MPPED2: variants seen among roughly 807,000 people sequenced by gnomAD.
MPPED2 encodes metallophosphoesterase MPPED2.
A neutral mutation model predicts 33.0 loss-of-function variants in MPPED2; 5 were observed. That is an observed-to-expected ratio of 0.15 (90% CI 0.08 to 0.32). The LOEUF is 0.32. Among genes scored for constraint, MPPED2 ranks in the 10% least tolerant of loss-of-function variants. The probability of loss-of-function intolerance (pLI) is 1.00; values close to 1 mark genes in which losing one functional copy is unlikely to be tolerated. For missense variants in MPPED2, 275 were observed against 372.1 expected, an observed-to-expected ratio of 0.74 and a Z score of 2.15; for synonymous variants, 136 against 141.9, an observed-to-expected ratio of 0.96 and a Z score of 0.29.
At chr11:30,509,485 C>A (rs534720005) in intron 3 of MPPED2, among the ~76,000 whole-genome samples, 4 of 152,116 alleles carry the variant, frequency 2.6e-5, no homozygotes, top group African/African-American at 4.8e-5. Flanking sequence ...CATTGTATCC[C>A]TTCATCTGAA....
chr11:30,397,290 T>G (rs1275837222), intron 6 of MPPED2, among the ~76,000 whole-genome samples: 2 of 152,156 alleles, frequency 1.3e-5, no homozygotes. Context: ...CTAGTTTGTT[T>G]TTCACTTTGG....
chr11:30,510,587 G>A (rs919747833), intron 3 of MPPED2, among the ~76,000 whole-genome samples: 1 of 152,080 alleles, frequency 6.6e-6, no homozygotes, highest in Non-Finnish European at 1.5e-5. Flanking sequence ...ATTTCTACAT[G>A]TCTCTAACAT....
intron 4 of MPPED2, among the ~76,000 whole-genome samples, chr11:30,471,894 T>G (rs1038139018): frequency 6.6e-6 from 1 of 152,122 alleles, no homozygotes; most frequent in Admixed American, 6.5e-5. Flanking sequence ...GAAGGACAAC[T>G]AATCAATTTA....
chr11:30,586,462 T>A (rs1227782264), upstream of MPPED2, among the ~76,000 whole-genome samples: 1 of 151,694 alleles, frequency 6.6e-6, no homozygotes, highest in Non-Finnish European at 1.5e-5. The surrounding 1 kb of genome is among the most constrained non-coding windows in gnomAD (Gnocchi z 4.8). Context: ...TGCACGCCCC[T>A]CCCGCAGTCC....
intron 2 of MPPED2, among the ~76,000 whole-genome samples, chr11:30,570,806 T>C (rs1956655914): frequency 6.6e-6 from 1 of 152,228 alleles, no homozygotes; most frequent in African/African-American, 2.4e-5. Flanking sequence ...AACTTGGTCC[T>C]TGGCCCAAAT....
intron 2 of MPPED2, among the ~76,000 whole-genome samples, chr11:30,566,893 C>T (rs1286735188): frequency 6.6e-6 from 1 of 152,176 alleles, no homozygotes; most frequent in East Asian, 1.9e-4. Flanking sequence ...TAAGGGGACA[C>T]CTAATCCAGA....
intron 3 of MPPED2, among the ~76,000 whole-genome samples, chr11:30,513,553 T>G (rs1953348758): frequency 6.6e-6 from 1 of 152,202 alleles, no homozygotes; most frequent in African/African-American, 2.4e-5. Flanking sequence ...ACTATTCAAC[T>G]GTAGATGGAT....
chr11:30,512,976 TCTAGTTTGGGA>T (rs1953312154), intron 3 of MPPED2, among the ~76,000 whole-genome samples: 1 of 151,694 alleles, frequency 6.6e-6, no homozygotes, highest in Non-Finnish European at 1.5e-5. Flanking sequence ...TCTACTGTGC[TCTAGTTTGGGA>T]CAACAGAGGG....
intron 4 of MPPED2, among the ~76,000 whole-genome samples, chr11:30,419,663 G>C (rs951047337): frequency 1.3e-5 from 2 of 152,144 alleles, no homozygotes; most frequent in African/African-American, 4.8e-5. Context: ...ATGTACATAT[G>C]ACCCAAGTTG....
intron 4 of MPPED2, chr11:30,451,910 A>G (rs868255724): frequency 5.1e-6 from 5 of 985,316 alleles, no homozygotes; most frequent in South Asian, 4.7e-5. Context: ...TGGGCAAGTC[A>G]TTTAACCTTG....
At chr11:30,551,537 T>A (rs950769070) in intron 2 of MPPED2, among the ~76,000 whole-genome samples, 19 of 152,226 alleles carry the variant, frequency 1.2e-4, no homozygotes, top group African/African-American at 4.1e-4. Flanking sequence ...TGAATTCTAG[T>A]TTGGTCCATT....
chr11:30,489,804 G>A (rs1053510093), intron 4 of MPPED2, among the ~76,000 whole-genome samples: 4 of 152,320 alleles, frequency 2.6e-5, no homozygotes, highest in East Asian at 1.9e-4. Context: ...TTCAAGAGAA[G>A]AACAAGGTGC....
chr11:30,546,393 G>A (rs1477395247), intron 2 of MPPED2, among the ~76,000 whole-genome samples: 1 of 151,990 alleles, frequency 6.6e-6, no homozygotes, highest in East Asian at 1.9e-4. Context: ...TTTACAAAGA[G>A]CATTAACTGA....
intron 4 of MPPED2, among the ~76,000 whole-genome samples, chr11:30,482,969 T>C (rs1486546744): frequency 6.8e-6 from 1 of 147,884 alleles, no homozygotes; most frequent in Non-Finnish European, 1.5e-5. Context: ...CAATACCTTG[T>C]GATTTTCCCT....
intron 4 of MPPED2, among the ~76,000 whole-genome samples, chr11:30,458,860 C>T (rs963834156): frequency 2.0e-5 from 3 of 148,502 alleles, no homozygotes; most frequent in Non-Finnish European, 3.0e-5. Context: ...ATGTTAACTA[C>T]GGACATCTAG....
chr11:30,431,350 T>C lies in MPPED2; in HGVS notation c.537-13717A>G, dbSNP rs552788970. Among the ~76,000 whole-genome samples, 4 of 152,346 alleles carry C rather than the reference T, an allele frequency of 2.6e-5. No individual in the cohort carries two copies. The East Asian group carries it at 7.7e-4, about 29-fold the overall frequency. On this transcript the variant is annotated intron_variant, in intron 4 of 6. Coordinates refer to ENST00000358117, the MANE Select transcript of MPPED2 (RefSeq NM_001584.3). ...AGTCAGACCTGTGTCTGAACCAGCT[T>C]TAACACCTCCAAAGGTGTGAACTTG...
At chr11:30,584,857 C>A (rs1957387106) in intron 1 of MPPED2, 1 of 152,278 alleles carries the variant, frequency 6.6e-6, no homozygotes, top group South Asian at 2.1e-4. Context: ...ACGGGATCTC[C>A]CCCTCTTCTG....
Position 30,410,644 on chromosome 11 carries a change from C to G in MPPED2, c.*824G>C. On this transcript the variant is annotated 3_prime_UTR_variant, in exon 7 of 7. Coordinates refer to ENST00000358117, the MANE Select transcript of MPPED2 (RefSeq NM_001584.3). ...TTCTGATGTGTTGCTATACAGCATC[C>G]CTTTGCAGTTGTACTGTCCTTGACA... is the stretch of plus-strand genomic sequence containing the variant. 1.0e-6 allele frequency: 1 copy of G among 985,604 alleles called. No homozygotes were observed. Among genetic ancestry groups the G allele is most frequent in the Non-Finnish European group, 1.2e-6 (1 of 829,786 alleles). The allele number at this position is 985,604 out of a possible 1,614,324, so 61.1% of individuals were successfully genotyped here.
intron 3 of MPPED2, among the ~76,000 whole-genome samples, chr11:30,531,360 C>T (rs186457360): frequency 8.5e-5 from 13 of 152,266 alleles, no homozygotes; most frequent in Non-Finnish European, 8.8e-5. Flanking sequence ...ACTGGGATGT[C>T]TGATTAGCCA....
Sources: allele counts gnomAD v4.1 joint callset (sites outside exome capture counted in the v4.1 genomes callset), GRCh38; gene constraint gnomAD v4.1.1; non-coding constraint Gnocchi (gnomAD v3.1); transcripts MANE v1.5; gene names NCBI Gene and HGNC (gene_info 2026-07-23, HGNC 2026-07-21).